IGSF22: variants seen among roughly 807,000 people sequenced by gnomAD.
IGSF22 encodes immunoglobulin superfamily, member 22.
In IGSF22, 119 loss-of-function variants were observed where a neutral mutation model predicts 127.0. That is an observed-to-expected ratio of 0.94 (90% CI 0.81 to 1.09). The LOEUF (loss-of-function observed/expected upper bound fraction) is 1.09. IGSF22 is among the 50% of genes least tolerant of loss of function. The pLI is 0.00. For missense variants in IGSF22, 1,518 were observed against 1,716.6 expected, an observed-to-expected ratio of 0.88 and a Z score of 2.04; for synonymous variants, 568 against 664.7, an observed-to-expected ratio of 0.85 and a Z score of 2.24.
chr11:18,707,999 G>A lies in IGSF22; in HGVS notation c.3088-3C>T. The A allele has an allele frequency of 2.5e-6, 4 of 1,614,022 alleles. No homozygotes were observed. Among genetic ancestry groups the A allele is most frequent in the Non-Finnish European group, 3.4e-6 (4 of 1,179,914 alleles). On this transcript the variant is annotated splice_region_variant and splice_polypyrimidine_tract_variant and intron_variant, in intron 19 of 22. Coordinates refer to ENST00000513874, the MANE Select transcript of IGSF22 (RefSeq NM_173588.4). ...ATCACGTCAGGTGGTGGTGAGCCCTGAGTAGTGACAGGAGATGGCACAACT... is the reference window on the plus strand; with the variant it reads ...ATCACGTCAGGTGGTGGTGAGCCCTAAGTAGTGACAGGAGATGGCACAACT...
chr11:18,709,655 A>G lies in IGSF22; in HGVS notation c.2730T>C (p.His910=). Residue 910 remains histidine (H), a synonymous_variant, in exon 18 of 23, where the codon CAT becomes CAC. Transcript: ENST00000513874. The surrounding 1 kb of genome is among the most constrained non-coding windows in gnomAD (Gnocchi z 4.8). ...VKPPGLVQDL[H]VSDSSNSSIS... ...TGCTGGAGTTGGAGGAATCAGATACATGCAGGTCCTGGACCAGGCCTGGGG... is the reference window on the plus strand; with the variant it reads ...TGCTGGAGTTGGAGGAATCAGATACGTGCAGGTCCTGGACCAGGCCTGGGG... 1 of 1,614,050 alleles carries G rather than the reference A, an allele frequency of 6.2e-7. No individual in the cohort carries two copies. The highest frequency in any genetic ancestry group is 8.5e-7 in the Non-Finnish European group (1 of 1,179,982).
intron 1 of IGSF22, among the ~76,000 whole-genome samples, chr11:18,724,717 C>T (rs924000963): frequency 2.6e-5 from 4 of 152,142 alleles, no homozygotes; most frequent in Admixed American, 1.3e-4. Context: ...CTGGGGACCC[C>T]GGCACTGGTG....
chr11:18,712,362 GC>G lies in IGSF22; in HGVS notation c.2117del (p.Gly706AlafsTer15). 1 of 1,551,252 alleles carries G rather than the reference GC, an allele frequency of 6.4e-7. No individual in the cohort carries two copies. Among genetic ancestry groups the G allele is most frequent in the Non-Finnish European group, 8.7e-7 (1 of 1,146,680 alleles). ...CTGAGAGCTCCAGGAACTCCACCCGGCCCTGTGGAGGCTTTGGACGGTCTGG... is the reference window on the plus strand; with the variant it reads ...CTGAGAGCTCCAGGAACTCCACCCGGCCTGTGGAGGCTTTGGACGGTCTGG... ...SVLDRPKPPQ[G>X]RVEFLELSGS... On this transcript the variant is annotated frameshift_variant, in exon 15 of 23. Transcript: ENST00000513874. LOFTEE classifies it high-confidence loss of function.
At chr11:18,722,464 TG>T (rs1358246484) in intron 2 of IGSF22, among the ~76,000 whole-genome samples, 1 of 152,152 alleles carries the variant, frequency 6.6e-6, no homozygotes, top group Non-Finnish European at 1.5e-5. Context: ...ATTTTCTCCC[TG>T]CCATTCTGTG....
chr11:18,707,536 CTTTAT>C (rs1848264501), intron 20 of IGSF22: 1 of 539,242 alleles, frequency 1.9e-6, no homozygotes, highest in South Asian at 3.0e-5. Context: ...GGGTTTAGAG[CTTTAT>C]TTTAAAGCTT....
At position 18,718,695 on chromosome 11, in the gene IGSF22, CTT is replaced by C. The variant is rs1412434229; in HGVS notation, c.728_729del (p.Lys243ArgfsTer5). The C allele has an allele frequency of 9.3e-6, 15 of 1,613,112 alleles. No individual in the cohort carries two copies. Among genetic ancestry groups the C allele is most frequent in the Admixed American group, 6.7e-5 (4 of 59,986 alleles). On this transcript the variant is annotated frameshift_variant, in exon 8 of 23. Coordinates refer to ENST00000513874, the MANE Select transcript of IGSF22 (RefSeq NM_173588.4). LOFTEE classifies it high-confidence loss of function. ...ACCACTGTGGTGTCAACCTTGGTCT[CTT>C]TGTCTTCCAGGGGCTTCAGAATCCG... ...AIRILKPLED[K>X]ETKVDTTVVF...
At chr11:18,713,568 T>G (rs138636034) in intron 14 of IGSF22, among the ~76,000 whole-genome samples, 1 of 152,366 alleles carries the variant, frequency 6.6e-6, no homozygotes, top group East Asian at 1.9e-4. Context: ...AAGTATATTA[T>G]GTCCTGTGTT....
Position 18,714,257 on chromosome 11 carries a change from T to A in IGSF22, c.1798+20A>T. The A allele has an allele frequency of 6.2e-7, 1 of 1,604,264 alleles. No individual in the cohort carries two copies. Among genetic ancestry groups the A allele is most frequent in the Non-Finnish European group, 8.5e-7 (1 of 1,174,780 alleles). On this transcript the variant is annotated intron_variant, in intron 13 of 22. Transcript: ENST00000513874. ...GGGCCAGGCATGGTTGAGCTTTGCC[T>A]ACCTTGGACAGATCCATACCTGCGA...
At chr11:18,708,325 T>C (rs1388050572) in intron 18 of IGSF22, 30 bp from the exon 19 acceptor site, 1 of 1,490,066 alleles carries the variant, frequency 6.7e-7, no homozygotes, top group South Asian at 1.3e-5. Flanking sequence ...GGTGGAGGCA[T>C]GGATCTGTCT....
chr11:18,707,440 T>C, intron 20 of IGSF22: 1 of 534,176 alleles, frequency 1.9e-6, no homozygotes, highest in Non-Finnish European at 3.3e-6. Context: ...AAAATAGAGC[T>C]GACAATGACT....
intron 7 of IGSF22, among the ~76,000 whole-genome samples, chr11:18,719,459 A>G (rs953867880): frequency 6.6e-6 from 1 of 151,980 alleles, no homozygotes; most frequent in African/African-American, 2.4e-5. Flanking sequence ...GAGCCACTGC[A>G]CCCAGCCTAG....
chr11:18,707,480 G>C, intron 20 of IGSF22: 1 of 530,268 alleles, frequency 1.9e-6, no homozygotes, highest in South Asian at 3.2e-5. Flanking sequence ...TAAAGAGACT[G>C]GCATGTAGTT....
At chr11:18,720,486 T>C (rs1274208272) in intron 4 of IGSF22, among the ~76,000 whole-genome samples, 1 of 152,102 alleles carries the variant, frequency 6.6e-6, no homozygotes, top group Non-Finnish European at 1.5e-5. Flanking sequence ...TGTAGCCTGA[T>C]TCCATAGCAA....
intron 1 of IGSF22, among the ~76,000 whole-genome samples, chr11:18,725,586 A>G (rs974821959): frequency 6.6e-6 from 1 of 151,730 alleles, no homozygotes; most frequent in Non-Finnish European, 1.5e-5. Flanking sequence ...GACTACAGGC[A>G]CCCGCCATCA....
At position 18,712,153 on chromosome 11, in the gene IGSF22, A is replaced by G; in HGVS notation, c.2327T>C (p.Ile776Thr). 6.4e-7 allele frequency: 1 copy of G among 1,551,706 alleles called. No homozygotes were observed. The highest frequency in any genetic ancestry group is 8.7e-7 in the Non-Finnish European group (1 of 1,147,002). The part of the protein sequence containing the change: ...VEEGKAYQFR[I>T]LAVNSEGVSD... The stretch of plus-strand genomic sequence containing the variant: ...CACACCTTCTGAATTGACTGCCAGG[A>G]TACGGAACTGGTAGGCTTTTCCCTC... The change falls in exon 15 of 23, where the codon ATC becomes ACC. Residue 776 changes from isoleucine (I) to threonine (T), a missense_variant. Ile to Thr is a moderately conservative substitution (Grantham distance 89). Transcript: ENST00000513874.
chr11:18,710,188 G>T (rs930846834), intron 17 of IGSF22, 139 bp downstream of exon 17: 1 of 1,091,140 alleles, frequency 9.2e-7, no homozygotes, highest in South Asian at 1.6e-5. Flanking sequence ...TGTGAATCTT[G>T]TCCCTCTATG....
chr11:18,716,765 C>T lies in IGSF22; in HGVS notation c.1209G>A (p.Ala403=), dbSNP rs766803849. 3.0e-5 allele frequency: 48 copies of T among 1,614,076 alleles called. No homozygotes were observed. Among genetic ancestry groups the T allele is most frequent in the East Asian group, 2.9e-4 (13 of 44,900 alleles). ...GCTGGGCCTTTTGTACCAGGTTCCC[C>T]GCCTCAGCAGAGAACTCGCCGCTGT... is the stretch of plus-strand genomic sequence containing the variant. The part of the protein sequence containing the change: ...LSDSGEFSAE[A]GNLVQKAQLT... Residue 403 remains alanine, a synonymous_variant, in exon 10 of 23, where the codon GCG becomes GCA. Coordinates refer to ENST00000513874, the MANE Select transcript of IGSF22 (RefSeq NM_173588.4). This position sits in a 1 kb window ranked among gnomAD's most constrained non-coding sequence, Gnocchi z 4.5.
In IGSF22 at chr11:18,721,529, C is replaced by G. The variant is rs1191299841; in HGVS notation, c.378+6G>C. 1 of 1,614,230 alleles carries G rather than the reference C, an allele frequency of 6.2e-7. No individual in the cohort carries two copies. Among genetic ancestry groups the G allele is most frequent in the Admixed American group, 1.7e-5 (1 of 60,032 alleles). ...CGGTAACTGGACTTGGGCTTGGCCC[C>G]CGCACCTTCAGCACGTGTTCCTTGT... is the stretch of plus-strand genomic sequence containing the variant. On this transcript the variant is annotated splice_donor_region_variant and intron_variant, in intron 4 of 22. Transcript: ENST00000513874.
intron 1 of IGSF22, among the ~76,000 whole-genome samples, chr11:18,724,667 G>C (rs577799867): frequency 2.8e-4 from 42 of 152,334 alleles, no homozygotes; most frequent in African/African-American, 1.0e-3. Flanking sequence ...CCATACTGGA[G>C]TGGGCTTTAG....
Sources: allele counts gnomAD v4.1 joint callset (sites outside exome capture counted in the v4.1 genomes callset), GRCh38; gene constraint gnomAD v4.1.1; non-coding constraint Gnocchi (gnomAD v3.1); transcripts MANE v1.5; gene names NCBI Gene and HGNC (gene_info 2026-07-23, HGNC 2026-07-21).